The following C10orf90 variants were observed in gnomAD, a reference collection of about 807,000 sequenced individuals.
The protein encoded by C10orf90 is chromosome 10 open reading frame 90, also known as (E2-independent) E3 ubiquitin-conjugating enzyme FATS.
A neutral mutation model predicts 62.5 loss-of-function variants in C10orf90; 56 were observed. The observed-to-expected ratio is 0.90, with a 90% CI of 0.72 to 1.12. The LOEUF (loss-of-function observed/expected upper bound fraction) is 1.12. Ranked by LOEUF, C10orf90 falls within the 50% of genes most tolerant of loss-of-function variation. The pLI, the probability that C10orf90 is intolerant of heterozygous loss-of-function variation, is 0.00. For missense variants in C10orf90, 970 were observed against 880.4 expected, an observed-to-expected ratio of 1.10 and a Z score of -1.29; for synonymous variants, 386 against 340.4, an observed-to-expected ratio of 1.13 and a Z score of -1.47.
At chr10:126,660,077 C>T (rs1846477131) in intron 1 of C10orf90, among the ~76,000 whole-genome samples, 1 of 152,152 alleles carries the variant, frequency 6.6e-6, no homozygotes, top group Non-Finnish European at 1.5e-5. Context: ...TCCTTTACTC[C>T]ACAGATGCAA....
chr10:126,589,745 C>G (rs1844942964), intron 2 of C10orf90, among the ~76,000 whole-genome samples: 1 of 152,184 alleles, frequency 6.6e-6, no homozygotes, highest in Admixed American at 6.5e-5. Context: ...CTAGCCACTA[C>G]AAAAACACAC....
intron 4 of C10orf90, among the ~76,000 whole-genome samples, chr10:126,478,240 C>T (rs1370828520): frequency 1.3e-5 from 2 of 152,208 alleles, no homozygotes; most frequent in African/African-American, 2.4e-5. Context: ...TAACTGGGAC[C>T]TATTCCCACC....
intron 2 of C10orf90, among the ~76,000 whole-genome samples, chr10:126,568,852 A>G (rs767250004): frequency 6.6e-6 from 1 of 152,128 alleles, no homozygotes; most frequent in African/African-American, 2.4e-5. Context: ...AGGGCTGAAG[A>G]GTGAAGACAA....
chr10:126,568,659 G>C (rs1338450456), intron 2 of C10orf90, among the ~76,000 whole-genome samples: 2 of 152,174 alleles, frequency 1.3e-5, no homozygotes, highest in Non-Finnish European at 2.9e-5. Context: ...GGATTGTGCA[G>C]GGCTTGTACC....
intron 2 of C10orf90, among the ~76,000 whole-genome samples, chr10:126,589,230 G>T (rs1472824083): frequency 2.0e-5 from 3 of 152,150 alleles, no homozygotes; most frequent in East Asian, 3.9e-4. Context: ...ACCTACAACT[G>T]ATTGGGGTAC....
intron 2 of C10orf90, among the ~76,000 whole-genome samples, chr10:126,602,184 CT>C (rs369303075): frequency 7.1e-4 from 108 of 152,340 alleles, no homozygotes; most frequent in African/African-American, 2.5e-3. Context: ...AATCACATCT[CT>C]AAGCGAGCTA....
chr10:126,543,179 G>A (rs540118994), intron 2 of C10orf90, among the ~76,000 whole-genome samples: 39 of 152,126 alleles, frequency 2.6e-4, no homozygotes, highest in South Asian at 6.2e-4. Flanking sequence ...ATAAAGTGGC[G>A]GTAATAAAAT....
intron 4 of C10orf90, among the ~76,000 whole-genome samples, chr10:126,478,501 CTTTAT>C (rs1273145674): frequency 6.6e-6 from 1 of 152,200 alleles, no homozygotes; most frequent in Non-Finnish European, 1.5e-5. Context: ...AGACTTTGTT[CTTTAT>C]TTTAAGTCTA....
chr10:126,547,130 C>CA (rs1864511892), intron 2 of C10orf90, among the ~76,000 whole-genome samples: 1 of 149,480 alleles, frequency 6.7e-6, no homozygotes, highest in Admixed American at 6.6e-5. Flanking sequence ...ACAAAAACAA[C>CA]AAAAAAAGGC....
rs200315943 is a variant in C10orf90, at chr10:126,668,016, A to G, written c.240+2225T>C. ...ATCAGAAGGAAGTCTATGTAAAGGT[A>G]TGCGTGTGGCTGGATCATCCCTGGG... On this transcript the variant is annotated intron_variant, in intron 1 of 9. Transcript: ENST00000488181. 1.5e-3 allele frequency among the ~76,000 whole-genome samples: 226 copies of G among 152,240 alleles called. 2 individuals carry two copies. Among genetic ancestry groups the G allele is most frequent in the African/African-American group, 5.1e-3 (210 of 41,536 alleles).
chr10:126,610,021 C>A (rs1020896543), intron 2 of C10orf90, among the ~76,000 whole-genome samples: 2 of 152,162 alleles, frequency 1.3e-5, no homozygotes, highest in African/African-American at 4.8e-5. Flanking sequence ...TCTGTCAGCT[C>A]CTCCAGGGGC....
intron 7 of C10orf90, among the ~76,000 whole-genome samples, chr10:126,442,050 C>T (rs888319454): frequency 1.3e-5 from 2 of 151,974 alleles, no homozygotes; most frequent in East Asian, 1.9e-4. Context: ...TGGTACCTCC[C>T]ATCTCAATAC....
At position 126,547,424 on chromosome 10, in the gene C10orf90, AAAAAT is replaced by A. The variant is rs1212249144; in HGVS notation, c.314-33490_314-33486del. On this transcript the variant is annotated intron_variant, in intron 2 of 9. Coordinates refer to ENST00000488181, the MANE Select transcript of C10orf90 (RefSeq NM_001350921.2). ...ACAGAGCAAGACTGTCAAAAAAAAAAAAAATAAAATAAAGAGAAAGAAAGAAAATC... is the reference window on the plus strand; with the variant it reads ...ACAGAGCAAGACTGTCAAAAAAAAAAAAAATAAAGAGAAAGAAAGAAAATC... Among the ~76,000 whole-genome samples, 5 of 145,670 alleles carry A rather than the reference AAAAAT, an allele frequency of 3.4e-5. No homozygotes were observed. In the South Asian group the frequency reaches 6.6e-4, roughly 19 times the overall value.
intron 2 of C10orf90, among the ~76,000 whole-genome samples, chr10:126,555,934 T>C (rs2133982208): frequency 6.6e-6 from 1 of 152,262 alleles, no homozygotes; most frequent in East Asian, 1.9e-4. Context: ...GATGCCAGAA[T>C]CCATTTCACA....
chr10:126,597,277 C>T (rs1266865913), intron 2 of C10orf90, among the ~76,000 whole-genome samples: 1 of 152,248 alleles, frequency 6.6e-6, no homozygotes, highest in Non-Finnish European at 1.5e-5. Context: ...TGCATGATCA[C>T]ATTGGTGGTA....
At chr10:126,468,962 G>A (rs899419179) in intron 4 of C10orf90, among the ~76,000 whole-genome samples, 6 of 152,132 alleles carry the variant, frequency 3.9e-5, no homozygotes, top group Admixed American at 6.5e-5. Flanking sequence ...ACAAATCTTC[G>A]ATGTTCTTAT....
At chr10:126,595,477 G>A (rs1470267832) in intron 2 of C10orf90, among the ~76,000 whole-genome samples, 1 of 152,206 alleles carries the variant, frequency 6.6e-6, no homozygotes, top group Non-Finnish European at 1.5e-5. Context: ...CATTTTCAAT[G>A]TTTAAAATGC....
chr10:126,628,613 C>G (rs996965792), intron 2 of C10orf90, among the ~76,000 whole-genome samples: 75 of 152,132 alleles, frequency 4.9e-4, no homozygotes, highest in Non-Finnish European at 1.8e-4. Context: ...CAATGCAAGG[C>G]AAGTTCTATT....
intron 6 of C10orf90, 120 bp from the exon 7 acceptor site, chr10:126,459,337 G>T: frequency 1.8e-6 from 2 of 1,086,764 alleles, no homozygotes; most frequent in Non-Finnish European, 2.7e-6. Context: ...AAAAGCCACG[G>T]TGCAAAAGTA....
Sources: allele counts gnomAD v4.1 joint callset (sites outside exome capture counted in the v4.1 genomes callset), GRCh38; gene constraint gnomAD v4.1.1; transcripts MANE v1.5; gene names NCBI Gene and HGNC (gene_info 2026-07-23, HGNC 2026-07-21).